CNTNAP2: variants seen among roughly 807,000 people sequenced by gnomAD.
CNTNAP2 encodes the protein contactin associated protein 2.
In CNTNAP2, 98 loss-of-function variants were observed where a neutral mutation model predicts 155.2. The ratio of observed to expected loss-of-function variants is 0.63; its 90% CI spans 0.54 to 0.75. The LOEUF (loss-of-function observed/expected upper bound fraction) is 0.75. Ranked by LOEUF, CNTNAP2 falls within the 30% of genes least tolerant of loss-of-function variation. CNTNAP2 has a pLI of 0.00. For synonymous variants in CNTNAP2, 651 were observed against 631.2 expected, an observed-to-expected ratio of 1.03 and a Z score of -0.47; for missense variants, 1,727 against 1,688.1, an observed-to-expected ratio of 1.02 and a Z score of -0.40.
chr7:147,482,058 A>G (rs77678732), intron 10 of CNTNAP2, among the ~76,000 whole-genome samples: 5,210 of 152,182 alleles, frequency 0.034, 232 homozygotes, highest in African/African-American at 0.099. Flanking sequence ...CTTTCAGTCA[A>G]TGTGTCAATA....
intron 3 of CNTNAP2, among the ~76,000 whole-genome samples, chr7:146,867,241 G>C (rs189650828): frequency 1.3e-5 from 2 of 152,004 alleles, no homozygotes; most frequent in African/African-American, 4.8e-5. Context: ...CTTATCATTA[G>C]GCTCCCATTT....
chr7:146,483,281 AAATATATAT>A (rs1563101587), intron 1 of CNTNAP2, among the ~76,000 whole-genome samples: 1 of 58,030 alleles, frequency 1.7e-5, no homozygotes. Context: ...GTCTAAAAAA[AAATATATAT>A]ATATATATAT....
intron 1 of CNTNAP2, among the ~76,000 whole-genome samples, chr7:146,731,044 C>A (rs1279486903): frequency 6.6e-6 from 1 of 152,102 alleles, no homozygotes; most frequent in East Asian, 1.9e-4. Context: ...ATTTAAGAGG[C>A]CATGTAGCAC....
intron 9 of CNTNAP2, among the ~76,000 whole-genome samples, chr7:147,375,646 T>C (rs1796421521): frequency 6.6e-6 from 1 of 152,034 alleles, no homozygotes; most frequent in Non-Finnish European, 1.5e-5. Flanking sequence ...CTTTCTGGCA[T>C]TGAGTGGTGT....
At chr7:146,395,696 A>G (rs1246197243) in intron 1 of CNTNAP2, among the ~76,000 whole-genome samples, 1 of 152,124 alleles carries the variant, frequency 6.6e-6, no homozygotes, top group Admixed American at 6.6e-5. Context: ...TACAATGACA[A>G]GTTCACAAAT....
intron 1 of CNTNAP2, among the ~76,000 whole-genome samples, chr7:146,748,089 A>G (rs993505382): frequency 4.0e-5 from 6 of 151,208 alleles, no homozygotes; most frequent in African/African-American, 1.5e-4. Flanking sequence ...ATTAAAGCCC[A>G]GAGAGTAAAG....
At chr7:148,078,966 G>A (rs909322881) in intron 15 of CNTNAP2, among the ~76,000 whole-genome samples, 3 of 152,166 alleles carry the variant, frequency 2.0e-5, no homozygotes, top group African/African-American at 7.2e-5. Context: ...GGAAAAATGA[G>A]GAAGAAATGG....
chr7:146,937,219 C>G (rs997445743), intron 3 of CNTNAP2, among the ~76,000 whole-genome samples: 1 of 151,658 alleles, frequency 6.6e-6, no homozygotes, highest in East Asian at 1.9e-4. Context: ...AACCCCGTCT[C>G]TACTTAAAAA....
At chr7:148,295,652 T>A (rs28427379) in intron 21 of CNTNAP2, among the ~76,000 whole-genome samples, 7 of 129,618 alleles carry the variant, frequency 5.4e-5, no homozygotes, top group African/African-American at 9.3e-5. Flanking sequence ...CCACCGCGCC[T>A]GGCTAATTTT....
At chr7:147,961,059 C>T (rs376364972) in intron 14 of CNTNAP2, among the ~76,000 whole-genome samples, 46 of 152,156 alleles carry the variant, frequency 3.0e-4, no homozygotes, top group Admixed American at 4.6e-4. Context: ...CCTTCTGAAT[C>T]GAGTATCTTT....
chr7:146,863,159 G>A (rs1795137559), intron 3 of CNTNAP2, among the ~76,000 whole-genome samples: 1 of 152,102 alleles, frequency 6.6e-6, no homozygotes, highest in African/African-American at 2.4e-5. Context: ...TGTATTTAAA[G>A]AAGTGACAAA....
intron 1 of CNTNAP2, among the ~76,000 whole-genome samples, chr7:146,761,475 G>C (rs556736486): frequency 6.6e-6 from 1 of 152,208 alleles, no homozygotes; most frequent in Admixed American, 6.5e-5. Flanking sequence ...GTGAAGAAGA[G>C]CACTTTAGGC....
intron 1 of CNTNAP2, among the ~76,000 whole-genome samples, chr7:146,592,748 T>C (rs1798801915): frequency 6.6e-6 from 1 of 152,064 alleles, no homozygotes; most frequent in African/African-American, 2.4e-5. Context: ...CCTATTAACT[T>C]CAATAAGGAT....
chr7:147,961,966 A>T (rs1801126791), intron 14 of CNTNAP2, among the ~76,000 whole-genome samples: 1 of 152,218 alleles, frequency 6.6e-6, no homozygotes, highest in Non-Finnish European at 1.5e-5. Flanking sequence ...AGGCAACAGA[A>T]AAGTAGTAAA....
At chr7:147,947,451 C>G (rs1306842776) in intron 14 of CNTNAP2, among the ~76,000 whole-genome samples, 1 of 54,662 alleles carries the variant, frequency 1.8e-5, no homozygotes, top group Non-Finnish European at 3.6e-5. Flanking sequence ...GACCCTGTCT[C>G]TACAAAAAAA....
chr7:147,635,260 T>G (rs1795158692), intron 12 of CNTNAP2, among the ~76,000 whole-genome samples: 1 of 151,120 alleles, frequency 6.6e-6, no homozygotes, highest in Non-Finnish European at 1.5e-5. Flanking sequence ...TGGAAGAATA[T>G]AAGCTCCAAA....
chr7:146,358,187 A>G (rs886916541), intron 1 of CNTNAP2, among the ~76,000 whole-genome samples: 5 of 152,130 alleles, frequency 3.3e-5, no homozygotes, highest in African/African-American at 1.2e-4. Context: ...GGTGCCCGCC[A>G]CCATGCCCGG....
chr7:147,183,675 G>GC (rs1413123332), intron 8 of CNTNAP2, among the ~76,000 whole-genome samples: 3 of 152,270 alleles, frequency 2.0e-5, no homozygotes, highest in Admixed American at 2.0e-4. Flanking sequence ...GAAGCTTGGT[G>GC]CAAAGGCATC....
rs533526148 is a variant in CNTNAP2, at chr7:146,827,135, A to C, written c.209-12576A>C. Among the ~76,000 whole-genome samples the C allele has an allele frequency of 7.2e-5, 11 of 152,110 alleles. No homozygotes were observed. In the East Asian group the frequency reaches 1.7e-3, roughly 24 times the overall value. ...GTTATTTCCAGGATATAATTAATTA[A>C]TATATTCATTTTTTACTTTATTCTT... On this transcript the variant is annotated intron_variant, in intron 2 of 23. Transcript: ENST00000361727.
Sources: gnomAD v4.1 joint callset for allele counts (sites outside exome capture counted in the v4.1 genomes callset) on GRCh38, gnomAD v4.1.1 for gene constraint, MANE v1.5 for transcripts, NCBI Gene and HGNC (gene_info 2026-07-23, HGNC 2026-07-21) for gene names.